The following MARCHF11 variants were observed in gnomAD, a reference collection of about 807,000 sequenced individuals.
The protein encoded by MARCHF11 is membrane associated ring-CH-type finger 11.
In MARCHF11, 29 loss-of-function variants were observed where a neutral mutation model predicts 37.3. That is an observed-to-expected ratio of 0.78 (90% confidence interval 0.58 to 1.06). The LOEUF is 1.06. MARCHF11 is among the 50% of genes least tolerant of loss of function. The pLI, the probability that MARCHF11 is intolerant of heterozygous loss-of-function variation, is 0.00. For missense variants in MARCHF11, 482 were observed against 533.4 expected, an observed-to-expected ratio of 0.90 and a Z score of 0.95; for synonymous variants, 233 against 228.0, an observed-to-expected ratio of 1.02 and a Z score of -0.20.
At chr5:16,090,829 G>C in intron 3 of MARCHF11, 60 bp downstream of exon 3, 5 of 1,298,666 alleles carry the variant, frequency 3.9e-6, no homozygotes, top group Non-Finnish European at 5.1e-6. Context: ...TGGTGAAAAC[G>C]TAATCGCTGA....
At position 16,079,062 on chromosome 5, in the gene MARCHF11, G is replaced by T. The variant is rs115427231; in HGVS notation, c.887-11269C>A. 6.2e-3 allele frequency among the ~76,000 whole-genome samples: 947 copies of T among 152,258 alleles called. 10 individuals carry two copies. Among genetic ancestry groups the T allele is most frequent in the African/African-American group, 0.021 (888 of 41,546 alleles). ...TCAGCTACCCTCCATGGTGATGGAT[G>T]GTTTGACCCCTGACTCCTGAGCCTG... On this transcript the variant is annotated intron_variant, in intron 3 of 3. Transcript: ENST00000332432.
At chr5:16,118,012 G>C (rs1340129634) in intron 2 of MARCHF11, among the ~76,000 whole-genome samples, 2 of 152,210 alleles carry the variant, frequency 1.3e-5, no homozygotes, top group Admixed American at 1.3e-4. Context: ...GTTGAGACAG[G>C]CTTCTTTGGT....
intron 2 of MARCHF11, among the ~76,000 whole-genome samples, chr5:16,092,088 G>C (rs1410629176): frequency 1.3e-5 from 2 of 152,070 alleles, no homozygotes; most frequent in Non-Finnish European, 2.9e-5. Context: ...AGTGTCCATC[G>C]GATCAGTCTG....
chr5:16,147,051 A>C (rs1027196703), intron 2 of MARCHF11, among the ~76,000 whole-genome samples: 1 of 152,198 alleles, frequency 6.6e-6, no homozygotes, highest in African/African-American at 2.4e-5. Context: ...AGATAAATTT[A>C]TCAAAAGAAA....
intron 2 of MARCHF11, among the ~76,000 whole-genome samples, chr5:16,152,287 T>C (rs1436290522): frequency 6.6e-6 from 1 of 151,956 alleles, no homozygotes; most frequent in African/African-American, 2.4e-5. Flanking sequence ...TGTTCCCATT[T>C]CTAAAGCTGA....
At chr5:16,103,929 T>C (rs1423860609) in intron 2 of MARCHF11, among the ~76,000 whole-genome samples, 1 of 152,028 alleles carries the variant, frequency 6.6e-6, no homozygotes, top group Non-Finnish European at 1.5e-5. Flanking sequence ...TGCATCCTCC[T>C]GCCCAAGAAT....
chr5:16,097,992 ATGAG>A (rs1736899285), intron 2 of MARCHF11, among the ~76,000 whole-genome samples: 1 of 152,248 alleles, frequency 6.6e-6, no homozygotes, highest in African/African-American at 2.4e-5. Context: ...ACAGTGCAGC[ATGAG>A]TGAGTGAGGT....
chr5:16,179,171 G>C lies in MARCHF11; in HGVS notation c.405C>G (p.Ala135=), dbSNP rs1347846631. The stretch of plus-strand genomic sequence containing the variant: ...CCGAGCGCGTCTCGGGCTGGTCTCC[G>C]GCGCCCCGCCGCTCGCGCTCGCCGC... ...GAGGERERRG[A]GDQPETRSVC... The change falls in exon 1 of 4, where the codon GCC becomes GCG. Residue 135 remains alanine, a synonymous_variant. Transcript: ENST00000332432. 5.7e-5 allele frequency: 78 copies of C among 1,379,732 alleles called. 1 individual carries two copies. In the East Asian group the frequency reaches 2.4e-3, roughly 42 times the overall value. 85.5% of individuals were successfully genotyped at this position (1,379,732 alleles called of 1,614,324 possible). A position where few individuals can be genotyped will look rare whatever the true frequency, so the allele number is the denominator to read the frequency against.
chr5:16,109,277 G>A (rs1240425131), intron 2 of MARCHF11, among the ~76,000 whole-genome samples: 1 of 152,054 alleles, frequency 6.6e-6, no homozygotes, highest in Non-Finnish European at 1.5e-5. Context: ...GGTTGCCTGG[G>A]GAACCAACCT....
intron 2 of MARCHF11, among the ~76,000 whole-genome samples, chr5:16,107,264 C>A (rs927897353): frequency 1.3e-5 from 2 of 151,760 alleles, no homozygotes; most frequent in Non-Finnish European, 2.9e-5. Context: ...CTCTCCCAAG[C>A]GTTGCTTAAA....
At chr5:16,147,854 T>C (rs1164627764) in intron 2 of MARCHF11, among the ~76,000 whole-genome samples, 1 of 152,142 alleles carries the variant, frequency 6.6e-6, no homozygotes, top group Non-Finnish European at 1.5e-5. Flanking sequence ...GAAAACATAA[T>C]TCATCACTGT....
chr5:16,161,729 A>G (rs1738080745), intron 2 of MARCHF11, among the ~76,000 whole-genome samples: 1 of 151,970 alleles, frequency 6.6e-6, no homozygotes, highest in Non-Finnish European at 1.5e-5. Context: ...AGCAACATAA[A>G]AAGTTATTTC....
At chr5:16,132,466 A>G (rs1051036920) in intron 2 of MARCHF11, among the ~76,000 whole-genome samples, 41 of 152,318 alleles carry the variant, frequency 2.7e-4, no homozygotes, top group African/African-American at 8.9e-4. Flanking sequence ...AGTGCCTGAC[A>G]TGGCACAGTC....
intron 3 of MARCHF11, among the ~76,000 whole-genome samples, chr5:16,090,040 G>A (rs924552058): frequency 3.3e-5 from 5 of 152,102 alleles, no homozygotes; most frequent in Middle Eastern, 3.2e-3. Context: ...AGATGGCTGG[G>A]CCCCACCCCT....
At chr5:16,171,743 A>G (rs1461256667) in intron 2 of MARCHF11, among the ~76,000 whole-genome samples, 2 of 152,142 alleles carry the variant, frequency 1.3e-5, no homozygotes, top group Non-Finnish European at 2.9e-5. Context: ...TTAAATAGTA[A>G]TACAAATGTT....
At chr5:16,103,622 G>C (rs913022387) in intron 2 of MARCHF11, among the ~76,000 whole-genome samples, 2 of 152,112 alleles carry the variant, frequency 1.3e-5, no homozygotes, top group African/African-American at 4.8e-5. Flanking sequence ...TGTGGCTCTT[G>C]CCATTCCCCA....
chr5:16,156,103 A>G (rs1479191271), intron 2 of MARCHF11, among the ~76,000 whole-genome samples: 1 of 151,954 alleles, frequency 6.6e-6, no homozygotes, highest in East Asian at 1.9e-4. Context: ...ATGAATATCT[A>G]TAAGTCTGTA....
intron 2 of MARCHF11, among the ~76,000 whole-genome samples, chr5:16,157,192 T>C (rs1032815310): frequency 1.9e-5 from 2 of 107,228 alleles, no homozygotes; most frequent in Admixed American, 1.1e-4. Context: ...ATAAAAGACA[T>C]TGAAGAAGAC....
chr5:16,165,440 T>C (rs1738153008), intron 2 of MARCHF11, among the ~76,000 whole-genome samples: 1 of 152,100 alleles, frequency 6.6e-6, no homozygotes, highest in South Asian at 2.1e-4. Flanking sequence ...CTTAGTTCTG[T>C]CTCATGACCT....
Sources: allele counts gnomAD v4.1 joint callset (sites outside exome capture counted in the v4.1 genomes callset), GRCh38; gene constraint gnomAD v4.1.1; transcripts MANE v1.5; gene names NCBI Gene and HGNC (gene_info 2026-07-23, HGNC 2026-07-21).